Variants in TULP4 observed in about 807,000 individuals in gnomAD.
TULP4 encodes tubby-related protein 4.
TULP4 carries 16 observed loss-of-function variants against 129.0 expected under a neutral mutation model. The ratio of observed to expected loss-of-function variants is 0.12; its 90% CI spans 0.08 to 0.19. The LOEUF is 0.19. TULP4 is among the 10% of genes least tolerant of loss of function. The pLI, the probability that TULP4 is intolerant of heterozygous loss-of-function variation, is 1.00. For synonymous variants in TULP4, 998 were observed against 854.0 expected (o/e 1.17, Z -2.94); for missense variants, 1,842 against 2,059.1 (o/e 0.89, Z 2.04).
chr6:158,259,910 T>G (rs1258521220), intron 1 of TULP4, among the ~76,000 whole-genome samples: 1 of 143,322 alleles, frequency 7.0e-6, no homozygotes. Flanking sequence ...GATGCCGAGC[T>G]CCCATGCCAT....
intron 1 of TULP4, among the ~76,000 whole-genome samples, chr6:158,291,118 CA>C (rs1325304534): frequency 6.6e-6 from 1 of 152,168 alleles, no homozygotes; most frequent in African/African-American, 2.4e-5. Flanking sequence ...CTGTTTTGAA[CA>C]GACATTGTTT....
intron 1 of TULP4, among the ~76,000 whole-genome samples, chr6:158,325,630 C>T (rs1466318396): frequency 2.0e-5 from 3 of 152,094 alleles, no homozygotes; most frequent in African/African-American, 7.2e-5. Flanking sequence ...GGGGTTCAGG[C>T]GTGAGCCACC....
chr6:158,396,646 TA>T (rs1777725007), intron 1 of TULP4, among the ~76,000 whole-genome samples: 1 of 152,178 alleles, frequency 6.6e-6, no homozygotes, highest in South Asian at 2.1e-4. Context: ...TTTTAAAGTG[TA>T]AAATGCATAA....
chr6:158,306,864 A>G (rs1054213905), intron 1 of TULP4, among the ~76,000 whole-genome samples: 5 of 152,072 alleles, frequency 3.3e-5, no homozygotes, highest in Non-Finnish European at 7.4e-5. Context: ...TACACACAAT[A>G]CAAAAGTTAA....
chr6:158,489,771 C>T, intron 9 of TULP4, 39 bp downstream of exon 9: 1 of 1,611,992 alleles, frequency 6.2e-7, no homozygotes, highest in Non-Finnish European at 8.5e-7. Context: ...TTTCTTGTGC[C>T]TCTGAATATG....
chr6:158,291,210 G>A (rs1468348656), intron 1 of TULP4, among the ~76,000 whole-genome samples: 3 of 152,150 alleles, frequency 2.0e-5, no homozygotes, highest in Non-Finnish European at 4.4e-5. Context: ...TCTACCTGAA[G>A]AATATTGTTT....
intron 1 of TULP4, among the ~76,000 whole-genome samples, chr6:158,401,139 T>A (rs1165325762): frequency 6.6e-6 from 1 of 152,034 alleles, no homozygotes; most frequent in Non-Finnish European, 1.5e-5. Context: ...AGTGGCATGA[T>A]CACGGCTCAC....
Position 158,399,257 on chromosome 6 carries a change from T to C in TULP4, c.253-13808T>C, listed in dbSNP as rs186434661. ...CTTGGCAGTTTTCATCTCACTTGTT[T>C]TTACAGATGCTGAACAGCTAATCCA... On this transcript the variant is annotated intron_variant, in intron 1 of 13. Coordinates refer to ENST00000367097, the MANE Select transcript of TULP4 (RefSeq NM_020245.5). Among the ~76,000 whole-genome samples, 4 of 152,334 alleles carry C rather than the reference T, an allele frequency of 2.6e-5. No individual in the cohort carries two copies. In the East Asian group the frequency reaches 7.7e-4, roughly 29 times the overall value.
At chr6:158,505,008 A>C (rs909042990) in intron 13 of TULP4, among the ~76,000 whole-genome samples, 2 of 151,762 alleles carry the variant, frequency 1.3e-5, no homozygotes, top group African/African-American at 4.9e-5. Context: ...ATTACGGCTT[A>C]GTTACATTTC....
chr6:158,353,055 G>A (rs1317808444), intron 1 of TULP4, among the ~76,000 whole-genome samples: 7 of 152,168 alleles, frequency 4.6e-5, no homozygotes, highest in Non-Finnish European at 1.0e-4. Flanking sequence ...GATGAAAAAA[G>A]TTTTCAGGCC....
chr6:158,370,083 A>G lies in TULP4; in HGVS notation c.253-42982A>G, dbSNP rs575005873. On this transcript the variant is annotated intron_variant, in intron 1 of 13. Transcript: ENST00000367097. ...TGGGCATAGCTGGGCATCGTGGCGC[A>G]TGCCAGTGGTCCTGGCTACTTGGGA... Among the ~76,000 whole-genome samples, 9 of 152,198 alleles carry G rather than the reference A, an allele frequency of 5.9e-5. No individual in the cohort carries two copies. In the South Asian group the frequency reaches 1.9e-3, roughly 32 times the overall value.
chr6:158,430,660 T>C (rs1376580542), intron 3 of TULP4, among the ~76,000 whole-genome samples: 1 of 152,040 alleles, frequency 6.6e-6, no homozygotes, highest in Non-Finnish European at 1.5e-5. Context: ...GACAGGAGAA[T>C]TGCTTGAACT....
chr6:158,476,395 C>G (rs1233529997), intron 6 of TULP4, among the ~76,000 whole-genome samples: 1 of 152,192 alleles, frequency 6.6e-6, no homozygotes, highest in African/African-American at 2.4e-5. Context: ...GCAGACCTCA[C>G]TTCTCCAGGC....
rs148070721 is a variant in TULP4, at chr6:158,385,182, C to T, written c.253-27883C>T. On this transcript the variant is annotated intron_variant, in intron 1 of 13. Transcript: ENST00000367097. ...GTGCATGGTCACCTATTGGCTTTCT[C>T]CCTCCACACTCACCGAAAGTACCAT... 2.8e-3 allele frequency among the ~76,000 whole-genome samples: 433 copies of T among 152,174 alleles called. 8 individuals are homozygous for T. The highest frequency in any genetic ancestry group is 0.025 in the Admixed American group (380 of 15,290).
chr6:158,239,438 G>A lies in TULP4; in HGVS notation n.68+7135G>A, dbSNP rs1307592696. On this transcript the variant is annotated intron_variant and non_coding_transcript_variant, in intron 1 of 1. Coordinates refer to the TULP4 transcript ENST00000620026. ...TGACCCCCCCACCTCCCTCCCGGAC[G>A]GGGCGGCTGGCCGGGTGGGGGGCTG... is the stretch of plus-strand genomic sequence containing the variant. Among the ~76,000 whole-genome samples, 5 of 60,208 alleles carry A rather than the reference G, an allele frequency of 8.3e-5. 1 individual carries two copies. Among genetic ancestry groups the A allele is most frequent in the Admixed American group, 1.6e-4 (1 of 6,074 alleles). The allele number at this position is 60,208 out of a possible 152,430, so 39.5% of individuals were successfully genotyped here.
chr6:158,411,077 G>T, intron 1 of TULP4, among the ~76,000 whole-genome samples: 2 of 150,300 alleles, frequency 1.3e-5, no homozygotes, highest in Non-Finnish European at 1.5e-5. Context: ...GGTTGTCCTG[G>T]CGTACAAGGA....
chr6:158,315,474 G>C (rs912398739), intron 1 of TULP4, among the ~76,000 whole-genome samples: 5 of 152,100 alleles, frequency 3.3e-5, no homozygotes, highest in African/African-American at 1.2e-4. Flanking sequence ...TGAGATCATA[G>C]CAATATAAAC....
At chr6:158,232,994 C>G (rs1337810007) in intron 1 of TULP4, among the ~76,000 whole-genome samples, 1 of 152,258 alleles carries the variant, frequency 6.6e-6, no homozygotes, top group South Asian at 2.1e-4. Context: ...CTTTGCCATG[C>G]GCTCCACAAC....
At chr6:158,415,652 G>A (rs538915918) in intron 2 of TULP4, among the ~76,000 whole-genome samples, 6 of 148,794 alleles carry the variant, frequency 4.0e-5, no homozygotes, top group East Asian at 2.0e-4. Flanking sequence ...GAGCCACTGC[G>A]CCCGGCCGCT....
Sources: gnomAD v4.1 joint callset for allele counts (sites outside exome capture counted in the v4.1 genomes callset) on GRCh38, gnomAD v4.1.1 for gene constraint, MANE v1.5 for transcripts, NCBI Gene and HGNC (gene_info 2026-07-23, HGNC 2026-07-21) for gene names.